TECTA: variants seen among roughly 807,000 people sequenced by gnomAD.
The protein encoded by TECTA is tectorin alpha.
Under a neutral mutation model 216.8 loss-of-function variants are expected in TECTA, and 128 were observed. That is an observed-to-expected ratio of 0.59 (90% CI 0.51 to 0.68). The LOEUF is 0.68. Among genes scored for constraint, TECTA ranks in the 30% least tolerant of loss-of-function variants. The probability of loss-of-function intolerance (pLI) is 0.00; values close to 1 mark genes in which losing one functional copy is unlikely to be tolerated. For missense variants in TECTA, 2,551 were observed against 2,786.2 expected (o/e 0.92, Z 1.90); for synonymous variants, 1,089 against 1,117.1 (o/e 0.97, Z 0.50).
intron 21 of TECTA, 71 bp from the exon 22 acceptor site, chr11:121,189,009 G>A: frequency 6.6e-7 from 1 of 1,521,182 alleles, no homozygotes; most frequent in African/African-American, 1.4e-5. Flanking sequence ...TCTTTTAGAG[G>A]TGAAACATGG....
chr11:121,141,654 A>G (rs892957013), intron 11 of TECTA, among the ~76,000 whole-genome samples: 6 of 152,204 alleles, frequency 3.9e-5, no homozygotes, highest in African/African-American at 1.4e-4. Flanking sequence ...GTTCAGGCCA[A>G]CAGGGAGGTT....
rs199584891 is a variant in TECTA, at chr11:121,111,130, A to G, written c.486+1632A>G. Among the ~76,000 whole-genome samples the G allele has an allele frequency of 3.3e-5, 5 of 152,240 alleles. No homozygotes were observed. The East Asian group carries it at 9.6e-4, about 29-fold the overall frequency. The stretch of plus-strand genomic sequence containing the variant: ...AAGGAAAAGGGACATGTTTACTTCA[A>G]GGAAGGAAAACTAATATTTACTGAG... On this transcript the variant is annotated intron_variant, in intron 4 of 23. Coordinates refer to ENST00000392793, the MANE Select transcript of TECTA (RefSeq NM_005422.4).
Position 121,122,338 on chromosome 11 carries a change from T to C in TECTA, c.1204-2964T>C, listed in dbSNP as rs574699500. Among the ~76,000 whole-genome samples, 8 of 152,202 alleles carry C rather than the reference T, an allele frequency of 5.3e-5. 1 individual carries two copies. In the South Asian group the frequency reaches 1.7e-3, roughly 32 times the overall value. On this transcript the variant is annotated intron_variant, in intron 7 of 23. Transcript: ENST00000392793. ...ATGTGAACACAGCTGGAAGGTGCCA[T>C]TTATGAACCAGAAAGTGGGCTCTCG...
Position 121,125,431 on chromosome 11 carries a change from G to T in TECTA, c.1333G>T (p.Ala445Ser). The T allele has an allele frequency of 6.2e-7, 1 of 1,614,132 alleles. No homozygotes were observed. The highest frequency in any genetic ancestry group is 8.5e-7 in the Non-Finnish European group (1 of 1,180,030). The change falls in exon 8 of 24, where the codon GCC becomes TCC. Residue 445 changes from alanine to serine, a missense_variant. By Grantham distance (99) the Ala-to-Ser change is moderately conservative. This residue lies in a region of TECTA where 2,375 missense variants were observed against 2,563.9 expected (regional missense o/e 0.93). Coordinates refer to ENST00000392793, the MANE Select transcript of TECTA (RefSeq NM_005422.4). Reference sequence around the variant, plus strand: ...AGTGACTTTTGATGGCCAGCACTACGCCTCCATTTCCGTCCCAGGCTCCTA... The same window carrying T: ...AGTGACTTTTGATGGCCAGCACTACTCCTCCATTTCCGTCCCAGGCTCCTA... ...LLVTFDGQHY[A>S]SISVPGSYIN...
At chr11:121,109,738 TAA>T (rs3216095) in intron 4 of TECTA, 13 of 509,732 alleles carry the variant, frequency 2.6e-5, no homozygotes, top group Non-Finnish European at 3.5e-5. Flanking sequence ...CACTAATGCC[TAA>T]AAAAAAACCC....
intron 7 of TECTA, among the ~76,000 whole-genome samples, chr11:121,119,956 C>T (rs967381076): frequency 1.3e-5 from 2 of 152,098 alleles, no homozygotes; most frequent in African/African-American, 4.8e-5. Flanking sequence ...GAGATTTTCC[C>T]TTTTAAATTT....
chr11:121,129,807 G>A lies in TECTA; in HGVS notation c.2537G>A (p.Gly846Glu), dbSNP rs876658014. 3 of 1,614,084 alleles carry A rather than the reference G, an allele frequency of 1.9e-6. No homozygotes were observed. Among genetic ancestry groups the A allele is most frequent in the Non-Finnish European group, 2.5e-6 (3 of 1,180,062 alleles). ...TCCACCACATACTTCAATTGCACAGGGGGCTTGTGCGGCTTCTACAATGCC... is the reference window on the plus strand; with the variant it reads ...TCCACCACATACTTCAATTGCACAGAGGGCTTGTGCGGCTTCTACAATGCC... ...RLSTTYFNCTGGLCGFYNANA... is the reference protein window; with the variant it reads ...RLSTTYFNCTEGLCGFYNANA... Residue 846 changes from glycine (G) to glutamate (E), a missense_variant, in exon 10 of 24, where the codon GGG becomes GAG. Physicochemically the swap from Gly to Glu is moderately conservative, Grantham distance 98. Transcript: ENST00000392793.
At position 121,168,813 on chromosome 11, in the gene TECTA, G is replaced by A; in HGVS notation, c.5887G>A (p.Val1963Ile). The change falls in exon 20 of 24, where the codon GTT (valine) becomes ATT (isoleucine). Residue 1963 changes from valine (V) to isoleucine (I), a missense_variant. Val to Ile is a conservative substitution (Grantham distance 29). This residue lies in a region of TECTA where 2,375 missense variants were observed against 2,563.9 expected (regional missense o/e 0.93). Coordinates refer to ENST00000392793, the MANE Select transcript of TECTA (RefSeq NM_005422.4). Reference protein sequence around the residue: ...LTTRDVLYVGVFVVGADATHL... With the variant: ...LTTRDVLYVGIFVVGADATHL... ...GACTCGAGATGTGCTGTATGTAGGG[G>A]TTTTTGTGGTTGGAGCTGACGCCAC... The A allele has an allele frequency of 6.2e-7, 1 of 1,614,170 alleles. No homozygotes were observed. The highest frequency in any genetic ancestry group is 8.5e-7 in the Non-Finnish European group (1 of 1,180,016).
Position 121,137,583 on chromosome 11 carries a change from A to G in TECTA, c.3104A>G (p.Glu1035Gly), listed in dbSNP as rs1414420156. 9.3e-6 allele frequency: 15 copies of G among 1,613,794 alleles called. No homozygotes were observed. Among genetic ancestry groups the G allele is most frequent in the Middle Eastern group, 1.6e-4 (1 of 6,062 alleles). The change falls in exon 11 of 24, where the codon GAG becomes GGG. Residue 1035 changes from glutamate (E) to glycine (G), a missense_variant. By Grantham distance (98) the Glu-to-Gly change is moderately conservative. Coordinates refer to ENST00000392793, the MANE Select transcript of TECTA (RefSeq NM_005422.4). ...LLGSQCVTRSECGCNFEGHQL... is the reference protein window; with the variant it reads ...LLGSQCVTRSGCGCNFEGHQL... ...GGCAGCCAGTGTGTCACGCGGAGTGAGTGTGGCTGCAACTTTGAGGGGCAC... is the reference window on the plus strand; with the variant it reads ...GGCAGCCAGTGTGTCACGCGGAGTGGGTGTGGCTGCAACTTTGAGGGGCAC...
intron 20 of TECTA, among the ~76,000 whole-genome samples, chr11:121,179,035 C>A (rs1764726630): frequency 6.6e-6 from 1 of 152,038 alleles, no homozygotes; most frequent in Non-Finnish European, 1.5e-5. Flanking sequence ...TTTAAAAAAC[C>A]AAATTTACAT....
At position 121,109,359 on chromosome 11, in the gene TECTA, C is replaced by T. The variant is rs551813095; in HGVS notation, c.347C>T (p.Thr116Ile). ...GIRGEIYYRE[T>I]MEPAILKRAT... is the part of the protein sequence containing the mutation. ...CGAGGCGAGATCTATTACAGAGAGA[C>T]CATGGAGCCTGCCATCTTGAAAAGA... Residue 116 changes from threonine (T) to isoleucine (I), a missense_variant, in exon 4 of 24, where the codon ACC becomes ATC. By Grantham distance (89) the Thr-to-Ile change is moderately conservative. Transcript: ENST00000392793. 6.2e-7 allele frequency: 1 copy of T among 1,614,144 alleles called. No homozygotes were observed. The highest frequency in any genetic ancestry group is 8.5e-7 in the Non-Finnish European group (1 of 1,180,022).
intron 4 of TECTA, among the ~76,000 whole-genome samples, chr11:121,110,947 G>A (rs1946436371): frequency 6.6e-6 from 1 of 152,134 alleles, no homozygotes; most frequent in Admixed American, 6.6e-5. Flanking sequence ...CTGCAAAAGT[G>A]TCCATCCATC....
chr11:121,171,851 T>C (rs1482129129), intron 20 of TECTA, among the ~76,000 whole-genome samples: 1 of 152,218 alleles, frequency 6.6e-6, no homozygotes, highest in African/African-American at 2.4e-5. Flanking sequence ...GATCATGTTA[T>C]CTGCAAAGGG....
intron 20 of TECTA, among the ~76,000 whole-genome samples, chr11:121,178,260 G>A (rs667418): frequency 0.062 from 9,441 of 152,200 alleles, 968 homozygotes; most frequent in African/African-American, 0.21. Context: ...GAAATCACCC[G>A]TCTTCTGCGT....
chr11:121,157,998 T>TGGCGGCC lies in TECTA; in HGVS notation c.4470_4476dup (p.Gly1493ArgfsTer60), dbSNP rs759963493. ...TTCAGCACCAAGACCTCCTACTGCC[T>TGGCGGCC]GGCGGCCGGCGGCGGCGTCTTCCGC... is the stretch of plus-strand genomic sequence containing the variant. On this transcript the variant is annotated frameshift_variant, in exon 14 of 24. Transcript: ENST00000392793. LOFTEE classifies it high-confidence loss of function. The TGGCGGCC allele has an allele frequency of 1.9e-6, 3 of 1,613,168 alleles. No individual in the cohort carries two copies. The highest frequency in any genetic ancestry group is 1.3e-5 in the African/African-American group (1 of 75,074).
At chr11:121,166,827 T>G in intron 18 of TECTA, 47 bp downstream of exon 18, 5 of 1,604,820 alleles carry the variant, frequency 3.1e-6, no homozygotes, top group Non-Finnish European at 4.2e-6. Context: ...CAGCGACAGC[T>G]TCGAGTGTTT....
intron 10 of TECTA, 130 bp from the exon 11 acceptor site, chr11:121,137,291 A>C (rs1946738766): frequency 8.3e-7 from 1 of 1,198,542 alleles, no homozygotes; most frequent in Non-Finnish European, 1.2e-6. Flanking sequence ...TGCATACACA[A>C]ATGCATGCAT....
intron 20 of TECTA, among the ~76,000 whole-genome samples, chr11:121,175,112 A>G (rs1016995669): frequency 4.6e-5 from 7 of 151,966 alleles, no homozygotes; most frequent in Non-Finnish European, 4.4e-5. Flanking sequence ...CTAGCGGTCT[A>G]TCAATTTTGT....
intron 11 of TECTA, among the ~76,000 whole-genome samples, chr11:121,140,617 G>T (rs1164514229): frequency 6.6e-6 from 1 of 152,166 alleles, no homozygotes. Context: ...CAAGGTGGCA[G>T]CAGGTTCACA....
Sources: allele counts gnomAD v4.1 joint callset (sites outside exome capture counted in the v4.1 genomes callset), GRCh38; gene constraint gnomAD v4.1.1; regional missense constraint gnomAD v4.1.1; transcripts MANE v1.5; gene names NCBI Gene and HGNC (gene_info 2026-07-23, HGNC 2026-07-21).